The following ARHGEF26 variants were observed in gnomAD, a reference collection of about 807,000 sequenced individuals.
ARHGEF26 encodes the protein Rho guanine nucleotide exchange factor (GEF) 26.
In ARHGEF26, 59 loss-of-function variants were observed where a neutral mutation model predicts 89.4. The ratio of observed to expected loss-of-function variants is 0.66; its 90% CI spans 0.54 to 0.82. The LOEUF (loss-of-function observed/expected upper bound fraction) is 0.82, where lower values mean the gene tolerates loss of function less well. Ranked by LOEUF, ARHGEF26 falls within the 40% of genes least tolerant of loss-of-function variation. ARHGEF26 has a pLI of 0.00. For synonymous variants in ARHGEF26, 500 were observed against 428.4 expected (o/e 1.17, Z -2.06); for missense variants, 1,234 against 1,085.6 (o/e 1.14, Z -1.92).
intron 3 of ARHGEF26, among the ~76,000 whole-genome samples, chr3:154,125,773 C>T (rs1216611547): frequency 6.6e-6 from 1 of 151,824 alleles, no homozygotes; most frequent in African/African-American, 2.4e-5. Context: ...AATATAATGA[C>T]CTAGAAATTT....
chr3:154,150,791 A>G (rs1052537851), intron 5 of ARHGEF26, among the ~76,000 whole-genome samples: 8 of 152,068 alleles, frequency 5.3e-5, no homozygotes, highest in African/African-American at 1.7e-4. Flanking sequence ...AACCTTGCCT[A>G]TTTCTATCAT....
intron 6 of ARHGEF26, among the ~76,000 whole-genome samples, chr3:154,182,311 A>T (rs1713238062): frequency 6.6e-6 from 1 of 152,142 alleles, no homozygotes; most frequent in Non-Finnish European, 1.5e-5. Context: ...ATTTAATCTG[A>T]TGCATGAAGG....
At chr3:154,197,115 A>G (rs1714342044) in intron 9 of ARHGEF26, among the ~76,000 whole-genome samples, 1 of 152,108 alleles carries the variant, frequency 6.6e-6, no homozygotes, top group Non-Finnish European at 1.5e-5. Context: ...TTGATACTAT[A>G]AGTATACAAA....
intron 6 of ARHGEF26, among the ~76,000 whole-genome samples, chr3:154,155,798 C>CT (rs1308102612): frequency 6.6e-6 from 1 of 151,728 alleles, no homozygotes; most frequent in Non-Finnish European, 1.5e-5. Flanking sequence ...GATCATCACT[C>CT]TAAGAGGCCA....
Position 154,122,192 on chromosome 3 carries a change from A to T in ARHGEF26, c.200A>T (p.Gln67Leu). 1 of 1,602,200 alleles carries T rather than the reference A, an allele frequency of 6.2e-7. No homozygotes were observed. The highest frequency in any genetic ancestry group is 1.7e-5 in the Admixed American group (1 of 58,302). Residue 67 changes from glutamine to leucine, a missense_variant, in exon 2 of 15, where the codon CAG becomes CTG. Gln to Leu is a moderately radical substitution (Grantham distance 113, BLOSUM62 -2). Transcript: ENST00000465093. ...GTLLAAQIPAQVPTASDSRTV... is the reference protein window; with the variant it reads ...GTLLAAQIPALVPTASDSRTV... ...CTCCTCGCAGCGCAGATTCCCGCCCAGGTGCCCACCGCCTCGGACAGCAGG... is the reference window on the plus strand; with the variant it reads ...CTCCTCGCAGCGCAGATTCCCGCCCTGGTGCCCACCGCCTCGGACAGCAGG...
chr3:154,212,113 C>T (rs896016), intron 9 of ARHGEF26, among the ~76,000 whole-genome samples: 133,384 of 152,104 alleles, frequency 0.88, 58,607 homozygotes, highest in East Asian at 1. Flanking sequence ...CTGAGGTAGG[C>T]GTATTGCTTG....
chr3:154,240,264 C>T, intron 11 of ARHGEF26, 106 bp from the exon 12 acceptor site: 2 of 718,340 alleles, frequency 2.8e-6, no homozygotes, highest in African/African-American at 1.8e-5. Flanking sequence ...TTTCCCTCTC[C>T]TTCCTGCCCA....
intron 12 of ARHGEF26, among the ~76,000 whole-genome samples, chr3:154,244,759 G>A (rs1467331101): frequency 2.0e-5 from 3 of 151,912 alleles, no homozygotes; most frequent in Non-Finnish European, 1.5e-5. Flanking sequence ...CTTCCCCCAT[G>A]TGAAGTGACT....
chr3:154,179,849 A>G (rs543310314), intron 6 of ARHGEF26, among the ~76,000 whole-genome samples: 4 of 152,338 alleles, frequency 2.6e-5, no homozygotes, highest in East Asian at 1.9e-4. Flanking sequence ...TATTGCTGCT[A>G]TAACAAATTA....
chr3:154,150,561 C>G (rs1719961416), intron 5 of ARHGEF26, among the ~76,000 whole-genome samples: 4 of 152,116 alleles, frequency 2.6e-5, no homozygotes, highest in Admixed American at 2.6e-4. Context: ...GCATATGAAT[C>G]TAGATCATTC....
intron 7 of ARHGEF26, among the ~76,000 whole-genome samples, chr3:154,189,990 C>T (rs756569963): frequency 4.6e-5 from 7 of 152,004 alleles, no homozygotes; most frequent in Non-Finnish European, 8.8e-5. Flanking sequence ...TAGTAGCAGC[C>T]TTGAACAAGA....
chr3:154,180,033 T>C (rs1713083001), intron 6 of ARHGEF26, among the ~76,000 whole-genome samples: 2 of 152,150 alleles, frequency 1.3e-5, no homozygotes, highest in South Asian at 2.1e-4. Flanking sequence ...GAAGTCACTT[T>C]TGTATCGTGG....
chr3:154,166,144 C>T (rs549537842), intron 6 of ARHGEF26, among the ~76,000 whole-genome samples: 7 of 152,208 alleles, frequency 4.6e-5, no homozygotes, highest in African/African-American at 1.7e-4. Context: ...CATGTTCAAG[C>T]GATTCTCCTG....
intron 7 of ARHGEF26, among the ~76,000 whole-genome samples, chr3:154,190,996 GCTT>G (rs1713920054): frequency 6.6e-6 from 1 of 152,110 alleles, no homozygotes; most frequent in Non-Finnish European, 1.5e-5. Context: ...TGATACCACA[GCTT>G]CTTCATTTGC....
intron 9 of ARHGEF26, among the ~76,000 whole-genome samples, chr3:154,195,558 T>G (rs1299383603): frequency 2.0e-5 from 3 of 152,128 alleles, no homozygotes; most frequent in Non-Finnish European, 1.5e-5. Context: ...GGAAACTGAT[T>G]GGGTGAGCAC....
intron 6 of ARHGEF26, among the ~76,000 whole-genome samples, chr3:154,178,383 C>T (rs936612772): frequency 2.0e-5 from 3 of 152,120 alleles, no homozygotes; most frequent in Non-Finnish European, 4.4e-5. Flanking sequence ...TACCCATTAG[C>T]GCTCACTCCG....
intron 9 of ARHGEF26, among the ~76,000 whole-genome samples, chr3:154,213,197 A>AAC (rs1355064372): frequency 1.8e-5 from 2 of 111,098 alleles, no homozygotes; most frequent in East Asian, 5.2e-4. Flanking sequence ...CTTTACGAGT[A>AAC]ACATAGAGAG....
chr3:154,218,203 G>C (rs552120503), intron 10 of ARHGEF26, among the ~76,000 whole-genome samples: 9 of 152,122 alleles, frequency 5.9e-5, no homozygotes, highest in African/African-American at 2.2e-4. Context: ...AAGACACCAA[G>C]CTTAGGGGAA....
rs557901822 is a variant in ARHGEF26, at chr3:154,122,945, G to T, written c.953G>T (p.Arg318Leu). Reference sequence around the variant, plus strand: ...AGAGGCTTGCGGTCCACGTCTTATCGCAGGGCAGTGGTCAGTGGCTTTGAT... The same window carrying T: ...AGAGGCTTGCGGTCCACGTCTTATCTCAGGGCAGTGGTCAGTGGCTTTGAT... Reference protein sequence around the residue: ...LRRGLRSTSYRRAVVSGFDFD... With the variant: ...LRRGLRSTSYLRAVVSGFDFD... The change falls in exon 2 of 15, where the codon CGC (arginine) becomes CTC (leucine). Residue 318 changes from arginine to leucine, a missense_variant. Transcript: ENST00000465093. 2 of 1,613,542 alleles carry T rather than the reference G, an allele frequency of 1.2e-6. No individual in the cohort carries two copies. The highest frequency in any genetic ancestry group is 1.7e-5 in the Admixed American group (1 of 59,930).
Sources: gnomAD v4.1 joint callset for allele counts (sites outside exome capture counted in the v4.1 genomes callset) on GRCh38, gnomAD v4.1.1 for gene constraint, MANE v1.5 for transcripts, NCBI Gene and HGNC (gene_info 2026-07-23, HGNC 2026-07-21) for gene names.